The following CIMAP3 variants were observed in gnomAD, a reference collection of about 807,000 sequenced individuals.
CIMAP3 encodes ciliary microtubule-associated protein 3.
chr1:111,351,909 A>C, the CIMAP3 span: 26 of 152,250 alleles, frequency 1.7e-4, no homozygotes, highest in African/African-American at 6.3e-4. Flanking sequence ...ATATATACTG[A>C]GGTCCTACTA....
chr1:111,333,173 G>A, the CIMAP3 span, among the ~76,000 whole-genome samples: 1 of 152,330 alleles, frequency 6.6e-6, no homozygotes, highest in South Asian at 2.1e-4. Flanking sequence ...GTTCACCCTG[G>A]ATGGAAATTT....
At chr1:111,330,119 G>T in the CIMAP3 span, among the ~76,000 whole-genome samples, 1 of 152,116 alleles carries the variant, frequency 6.6e-6, no homozygotes, top group South Asian at 2.1e-4. Flanking sequence ...CCTGGATTGG[G>T]TTTTGCTATC....
chr1:111,351,600 G>T, the CIMAP3 span: 2 of 287,464 alleles, frequency 7.0e-6, no homozygotes, highest in Non-Finnish European at 6.5e-6. Context: ...TGAAATATTT[G>T]TGGGCCCCTG....
chr1:111,344,574 C>T, the CIMAP3 span, among the ~76,000 whole-genome samples: 1 of 152,158 alleles, frequency 6.6e-6, no homozygotes. Flanking sequence ...TATCTTCAAA[C>T]ATATATATTT....
chr1:111,331,267 T>C, the CIMAP3 span, among the ~76,000 whole-genome samples: 6 of 152,180 alleles, frequency 3.9e-5, no homozygotes, highest in Admixed American at 3.9e-4. Flanking sequence ...ACTTGGGAAG[T>C]TTTTTGATAT....
At chr1:111,338,908 G>T in the CIMAP3 span, among the ~76,000 whole-genome samples, 1 of 152,128 alleles carries the variant, frequency 6.6e-6, no homozygotes, top group African/African-American at 2.4e-5. Context: ...CCAAAAAAGA[G>T]AATTTTAGAC....
the CIMAP3 span, among the ~76,000 whole-genome samples, chr1:111,336,050 C>T: frequency 2.5e-3 from 374 of 152,312 alleles, 2 homozygotes; most frequent in Middle Eastern, 0.014. Flanking sequence ...CATGAAAAAC[C>T]GCTGTTCTGC....
At chr1:111,326,609 C>G in the CIMAP3 span, among the ~76,000 whole-genome samples, 1 of 152,024 alleles carries the variant, frequency 6.6e-6, no homozygotes, top group Admixed American at 6.6e-5. Flanking sequence ...GCAGGTATCC[C>G]TTTGATATAC....
the CIMAP3 span, chr1:111,348,674 C>A: frequency 1.3e-6 from 2 of 1,532,586 alleles, no homozygotes; most frequent in South Asian, 1.3e-5. Flanking sequence ...TGGTGCACTT[C>A]AACAAAAAAA....
the CIMAP3 span, chr1:111,346,464 C>A: frequency 1.4e-6 from 1 of 735,576 alleles, no homozygotes; most frequent in Non-Finnish European, 2.2e-6. Flanking sequence ...ACTGAGTTTA[C>A]AATCCCCTGG....
chr1:111,325,413 A>T, the CIMAP3 span, among the ~76,000 whole-genome samples: 2 of 152,276 alleles, frequency 1.3e-5, no homozygotes, highest in African/African-American at 4.8e-5. Flanking sequence ...CTACCATCAG[A>T]TGGTAGATGT....
At chr1:111,335,157 A>T in the CIMAP3 span, among the ~76,000 whole-genome samples, 2 of 77,240 alleles carry the variant, frequency 2.6e-5, no homozygotes, top group African/African-American at 7.4e-5. Context: ...AAAAAAAGAC[A>T]GAAAAAAAAA....
At chr1:111,338,336 T>A in the CIMAP3 span, among the ~76,000 whole-genome samples, 2 of 150,686 alleles carry the variant, frequency 1.3e-5, no homozygotes, top group African/African-American at 4.9e-5. Flanking sequence ...AGGCAAGAAA[T>A]AACTAAAATC....
chr1:111,337,132 C>T, the CIMAP3 span, among the ~76,000 whole-genome samples: 1 of 152,148 alleles, frequency 6.6e-6, no homozygotes, highest in Middle Eastern at 3.4e-3. Flanking sequence ...AAATCCTTTA[C>T]AGACAAGCAA....
At chr1:111,342,669 C>T in the CIMAP3 span, among the ~76,000 whole-genome samples, 587 of 152,280 alleles carry the variant, frequency 3.9e-3, 5 homozygotes, top group African/African-American at 0.013. Flanking sequence ...ATATTTCTCC[C>T]CCCAGGCACT....
chr1:111,325,040 A>G, the CIMAP3 span, among the ~76,000 whole-genome samples: 1 of 152,162 alleles, frequency 6.6e-6, no homozygotes, highest in Non-Finnish European at 1.5e-5. Context: ...CCACTCACCA[A>G]ATTATTTGTT....
At chr1:111,331,505 A>T in the CIMAP3 span, among the ~76,000 whole-genome samples, 5 of 152,074 alleles carry the variant, frequency 3.3e-5, no homozygotes, top group Non-Finnish European at 7.4e-5. Context: ...TTGTATATTT[A>T]CTTCATTCAT....
chr1:111,351,936 G>A, the CIMAP3 span: 1 of 152,232 alleles, frequency 6.6e-6, no homozygotes, highest in Non-Finnish European at 1.5e-5. Flanking sequence ...GAGCAGAGCA[G>A]TAAGCACTGG....
At chr1:111,331,322 G>A in the CIMAP3 span, among the ~76,000 whole-genome samples, 2 of 151,998 alleles carry the variant, frequency 1.3e-5, no homozygotes, top group South Asian at 4.2e-4. Flanking sequence ...CTTCACTTCT[G>A]CAATGCCCAT....
Sources: allele counts gnomAD v4.1 joint callset (sites outside exome capture counted in the v4.1 genomes callset), GRCh38; gene constraint gnomAD v4.1.1; transcripts MANE v1.5; gene names NCBI Gene and HGNC (gene_info 2026-07-23, HGNC 2026-07-21).